The following CEP350 variants were observed in gnomAD, a reference collection of about 807,000 sequenced individuals.
The protein encoded by CEP350 is centrosomal protein 350.
In CEP350, 126 loss-of-function variants were observed where a neutral mutation model predicts 331.8. The ratio of observed to expected loss-of-function variants is 0.38; its 90% confidence interval spans 0.33 to 0.44. The LOEUF is 0.44. CEP350 is among the 20% of genes least tolerant of loss of function. The probability of loss-of-function intolerance (pLI) is 1.00; values close to 1 mark genes in which losing one functional copy is unlikely to be tolerated. For missense variants in CEP350, 3,406 were observed against 3,634.6 expected (o/e 0.94, Z 1.62); for synonymous variants, 1,200 against 1,259.5 (o/e 0.95, Z 1.00).
At chr1:180,035,395 T>C (rs763682017) in intron 16 of CEP350, among the ~76,000 whole-genome samples, 1 of 152,214 alleles carries the variant, frequency 6.6e-6, no homozygotes, top group Non-Finnish European at 1.5e-5. Flanking sequence ...GAAAATGTCA[T>C]CTAGGACTTT....
In CEP350 at chr1:180,094,104, A is replaced by G; in HGVS notation, c.7999A>G (p.Lys2667Glu). The G allele has an allele frequency of 1.9e-6, 3 of 1,613,938 alleles. 1 individual carries two copies. The highest frequency in any genetic ancestry group is 2.5e-6 in the Non-Finnish European group (3 of 1,179,846). Residue 2667 changes from lysine (K) to glutamate (E), a missense_variant, in exon 34 of 38, where the codon AAA becomes GAA. Coordinates refer to ENST00000367607, the MANE Select transcript of CEP350 (RefSeq NM_014810.5). The stretch of plus-strand genomic sequence containing the variant: ...TTCACAGATTTCTTCAAAGGAAAAC[A>G]AAGACCTCATTTCTGATGCCACAGA... ...VDSQISSKEN[K>E]DLISDATEKV... is the part of the protein sequence containing the mutation.
intron 1 of CEP350, among the ~76,000 whole-genome samples, chr1:179,963,918 G>A (rs1650812875): frequency 6.6e-6 from 1 of 152,002 alleles, no homozygotes; most frequent in South Asian, 2.1e-4. Flanking sequence ...GGGCAGTATG[G>A]TCATTTAAAT....
At chr1:180,091,519 A>C (rs1272937147) in intron 33 of CEP350, among the ~76,000 whole-genome samples, 1 of 152,140 alleles carries the variant, frequency 6.6e-6, no homozygotes, top group East Asian at 1.9e-4. Context: ...GTTTAACCAA[A>C]AGAAAGTTAA....
intron 1 of CEP350, among the ~76,000 whole-genome samples, chr1:179,963,370 T>C (rs917112256): frequency 1.1e-4 from 17 of 152,144 alleles, no homozygotes; most frequent in Non-Finnish European, 2.2e-4. Flanking sequence ...GTTTTAGTCA[T>C]AAATTCTTTG....
intron 21 of CEP350, among the ~76,000 whole-genome samples, chr1:180,047,278 C>T (rs962992665): frequency 6.6e-6 from 1 of 152,044 alleles, no homozygotes; most frequent in Admixed American, 6.6e-5. Flanking sequence ...GAGGAGAAAG[C>T]TTGGGGGAAT....
rs1571877249 is a variant in CEP350 at position 180,020,303 on chromosome 1, C to G, written c.2529C>G (p.Ala843=). ...ASLSSRIESE[A]KKLAGASINY... ...TGTCCAGCAGAATTGAAAGTGAAGC[C>G]AAGAAATTAGCTGGGGCCAGCATTA... The change falls in exon 12 of 38, where the codon GCC becomes GCG. Residue 843 remains alanine (A), a synonymous_variant. Coordinates refer to ENST00000367607, the MANE Select transcript of CEP350 (RefSeq NM_014810.5). 2 of 1,613,930 alleles carry G rather than the reference C, an allele frequency of 1.2e-6. No individual in the cohort carries two copies. The highest frequency in any genetic ancestry group is 4.5e-5 in the East Asian group (2 of 44,888).
chr1:179,971,591 G>A (rs544324455), intron 1 of CEP350, among the ~76,000 whole-genome samples: 7 of 152,252 alleles, frequency 4.6e-5, no homozygotes, highest in South Asian at 2.1e-4. Flanking sequence ...CTCCCAAAGC[G>A]CTGGGATTAC....
chr1:180,059,487 G>T (rs757946091), intron 25 of CEP350, among the ~76,000 whole-genome samples: 1 of 152,152 alleles, frequency 6.6e-6, no homozygotes, highest in African/African-American at 2.4e-5. Context: ...TAATTTTATT[G>T]TCTTGAACTC....
chr1:179,960,157 G>A (rs1650479042), intron 1 of CEP350, among the ~76,000 whole-genome samples: 2 of 152,124 alleles, frequency 1.3e-5, no homozygotes, highest in Admixed American at 1.3e-4. Context: ...TCCATTGCAG[G>A]TAGCATTTAC....
At position 180,093,923 on chromosome 1, in the gene CEP350, G is replaced by T; in HGVS notation, c.7818G>T (p.Lys2606Asn). ...CAGAGGGTCCAAAAGACAGAGAAAA[G>T]GATGTCAGTGAATATTTTTATGAGA... ...NDTEGPKDRE[K>N]DVSEYFYEKS... Residue 2606 changes from lysine to asparagine, a missense_variant, in exon 34 of 38, where the codon AAG (lysine) becomes AAT (asparagine). Transcript: ENST00000367607. The T allele has an allele frequency of 6.2e-7, 1 of 1,613,814 alleles. No homozygotes were observed. Among genetic ancestry groups the T allele is most frequent in the Middle Eastern group, 1.6e-4 (1 of 6,062 alleles).
intron 37 of CEP350, among the ~76,000 whole-genome samples, chr1:180,102,278 G>A (rs1197930725): frequency 6.6e-5 from 10 of 152,192 alleles, no homozygotes; most frequent in South Asian, 6.2e-4. Context: ...TGGGATTAGA[G>A]GCGCATGCCA....
intron 4 of CEP350, 125 bp downstream of exon 4, chr1:179,990,746 G>A (rs536759077): frequency 1.8e-5 from 9 of 500,538 alleles, no homozygotes; most frequent in East Asian, 1.6e-4. Flanking sequence ...TTGTAGAGAC[G>A]AAGTCTCTCT....
chr1:180,037,129 T>G lies in CEP350; in HGVS notation c.4110+40T>G, dbSNP rs748075876. On this transcript the variant is annotated intron_variant, in intron 17 of 37. Coordinates refer to ENST00000367607, the MANE Select transcript of CEP350 (RefSeq NM_014810.5). ...TTTTAGCTTTCTGTGGTTTTTCTTT[T>G]TTCTTCGCTATTTAAAATGGTCTTA... is the stretch of plus-strand genomic sequence containing the variant. 8.7e-6 allele frequency: 13 copies of G among 1,500,030 alleles called. No homozygotes were observed. In the South Asian group the frequency reaches 1.8e-4, roughly 20 times the overall value. The allele number at this position is 1,500,030 out of a possible 1,614,324, so 92.9% of individuals were successfully genotyped here.
chr1:179,987,448 CTATA>C (rs966820756), intron 3 of CEP350, among the ~76,000 whole-genome samples, 162 bp downstream of exon 3: 13 of 146,900 alleles, frequency 8.8e-5, no homozygotes, highest in Admixed American at 3.4e-4. Context: ...TATGTATACA[CTATA>C]TATAATATAT....
At chr1:180,089,014 A>AT in intron 32 of CEP350, among the ~76,000 whole-genome samples, 1 of 152,126 alleles carries the variant, frequency 6.6e-6, no homozygotes, top group Non-Finnish European at 1.5e-5. Flanking sequence ...TTTGTTACAT[A>AT]TGTATTTTTC....
At chr1:180,046,846 G>A (rs1407781120) in intron 21 of CEP350, among the ~76,000 whole-genome samples, 2 of 152,184 alleles carry the variant, frequency 1.3e-5, no homozygotes, top group Admixed American at 6.5e-5. Context: ...TTTATTGAGT[G>A]AATGATTAGC....
chr1:179,967,133 T>A lies in CEP350; in HGVS notation c.-14+11991T>A, dbSNP rs553876402. Among the ~76,000 whole-genome samples, 13 of 152,356 alleles carry A rather than the reference T, an allele frequency of 8.5e-5. No homozygotes were observed. In the South Asian group the frequency reaches 2.7e-3, roughly 32 times the overall value. ...GATCATCTCTGAAAATGTGTACAGT[T>A]GCTCTATTTTTGTATGATAAGTTAT... On this transcript the variant is annotated intron_variant, in intron 1 of 37. Coordinates refer to ENST00000367607, the MANE Select transcript of CEP350 (RefSeq NM_014810.5).
At chr1:180,101,383 G>A (rs1462841003) in intron 37 of CEP350, among the ~76,000 whole-genome samples, 2 of 152,090 alleles carry the variant, frequency 1.3e-5, no homozygotes, top group Non-Finnish European at 2.9e-5. Context: ...ATTAGATTTG[G>A]TAAACCTTGT....
chr1:180,067,964 G>T (rs890734625), intron 27 of CEP350, among the ~76,000 whole-genome samples: 2 of 152,136 alleles, frequency 1.3e-5, no homozygotes, highest in African/African-American at 2.4e-5. Context: ...CTGCTACTTC[G>T]TGAACAACAA....
Sources: allele counts gnomAD v4.1 joint callset (sites outside exome capture counted in the v4.1 genomes callset), GRCh38; gene constraint gnomAD v4.1.1; transcripts MANE v1.5; gene names NCBI Gene and HGNC (gene_info 2026-07-23, HGNC 2026-07-21).